Variants in SNX29 observed in about 807,000 individuals in gnomAD.
SNX29 encodes the protein sorting nexin-29.
SNX29 carries 78 observed loss-of-function variants against 102.1 expected under a neutral mutation model. That is an observed-to-expected ratio of 0.76 (90% CI 0.64 to 0.92). SNX29 has a LOEUF of 0.92. SNX29 is among the 40% of genes least tolerant of loss of function. The probability of loss-of-function intolerance (pLI) is 0.00; values close to 1 mark genes in which losing one functional copy is unlikely to be tolerated. For synonymous variants in SNX29, 580 were observed against 414.5 expected (o/e 1.40, Z -4.85); for missense variants, 1,280 against 1,061.7 (o/e 1.21, Z -2.86).
rs766897186 is a variant in SNX29, at chr16:12,571,285, C to G, written c.*2656C>G. ...AGAATTGTGGCTGAAACCTGGTGCCCAAATTCCACACCCTGGAAATGTGTC... is the reference window on the plus strand; with the variant it reads ...AGAATTGTGGCTGAAACCTGGTGCCGAAATTCCACACCCTGGAAATGTGTC... On this transcript the variant is annotated 3_prime_UTR_variant, in exon 21 of 21. Transcript: ENST00000566228. 4.3e-6 allele frequency: 1 copy of G among 232,096 alleles called. No individual in the cohort carries two copies. The highest frequency in any genetic ancestry group is 6.1e-5 in the East Asian group (1 of 16,432). 14.4% of individuals were successfully genotyped at this position (232,096 alleles called of 1,614,324 possible).
intron 18 of SNX29, among the ~76,000 whole-genome samples, chr16:12,473,299 G>A (rs1262282795): frequency 3.3e-5 from 5 of 152,170 alleles, no homozygotes; most frequent in Admixed American, 1.3e-4. Flanking sequence ...GTAATTTTGA[G>A]TAATTTTAAT....
intron 14 of SNX29, among the ~76,000 whole-genome samples, chr16:12,276,877 CCA>C (rs1254988600): frequency 2.0e-5 from 3 of 152,134 alleles, no homozygotes. Context: ...GACCTGGGAG[CCA>C]GTCTCTTTAA....
At chr16:12,265,929 G>T (rs567995089) in intron 14 of SNX29, among the ~76,000 whole-genome samples, 129 of 151,942 alleles carry the variant, frequency 8.5e-4, no homozygotes, top group Non-Finnish European at 1.2e-3. Context: ...CTTGGCATGA[G>T]AATAGAAAGT....
intron 13 of SNX29, among the ~76,000 whole-genome samples, chr16:12,189,555 C>G (rs569264383): frequency 1.3e-5 from 2 of 152,074 alleles, no homozygotes; most frequent in African/African-American, 4.8e-5. Context: ...TCAATTTGTT[C>G]CATTCCTGAT....
intron 13 of SNX29, among the ~76,000 whole-genome samples, chr16:12,163,497 T>C (rs866304326): frequency 6.6e-6 from 1 of 152,258 alleles, no homozygotes; most frequent in South Asian, 2.1e-4. Flanking sequence ...GGTGGGTCAT[T>C]ATCCTCTAGG....
intron 16 of SNX29, among the ~76,000 whole-genome samples, chr16:12,362,573 C>A (rs1273689518): frequency 1.3e-5 from 1 of 78,954 alleles, no homozygotes; most frequent in Non-Finnish European, 3.0e-5. Context: ...CCCCCCCCCC[C>A]ACCAGTTTCT....
intron 12 of SNX29, 104 bp from the exon 13 acceptor site, chr16:12,129,526 G>A: frequency 3.6e-6 from 5 of 1,402,628 alleles, no homozygotes; most frequent in Middle Eastern, 2.6e-4. Context: ...AGAGCCTTGT[G>A]GAAAACGCAT....
intron 16 of SNX29, among the ~76,000 whole-genome samples, chr16:12,390,011 C>G (rs973553977): frequency 1.3e-5 from 2 of 152,116 alleles, no homozygotes; most frequent in African/African-American, 4.8e-5. Context: ...AAGAATAGTT[C>G]TATATTGGTA....
intron 20 of SNX29, among the ~76,000 whole-genome samples, chr16:12,560,037 A>AGT (rs2078628217): frequency 1.3e-5 from 2 of 152,170 alleles, no homozygotes; most frequent in Non-Finnish European, 2.9e-5. Flanking sequence ...TATGACAAAT[A>AGT]CACAAAGAAA....
At chr16:12,175,864 T>A (rs1046629270) in intron 13 of SNX29, among the ~76,000 whole-genome samples, 1 of 151,646 alleles carries the variant, frequency 6.6e-6, no homozygotes, top group African/African-American at 2.4e-5. Context: ...AAAAAAAAAA[T>A]TAGCCATGGA....
intron 14 of SNX29, among the ~76,000 whole-genome samples, chr16:12,200,017 G>A (rs978451292): frequency 6.6e-6 from 1 of 152,136 alleles, no homozygotes; most frequent in Admixed American, 6.5e-5. Flanking sequence ...ACGGGTGCAA[G>A]CAACAGAAAG....
chr16:12,203,238 G>A (rs1176026487), intron 14 of SNX29, among the ~76,000 whole-genome samples: 1 of 151,884 alleles, frequency 6.6e-6, no homozygotes, highest in African/African-American at 2.4e-5. Flanking sequence ...CGGGTGGACT[G>A]GTGGTATTGG....
intron 19 of SNX29, among the ~76,000 whole-genome samples, chr16:12,520,742 A>G (rs2090066167): frequency 6.6e-6 from 1 of 151,016 alleles, no homozygotes; most frequent in Admixed American, 6.6e-5. Flanking sequence ...GCGGGAGCGA[A>G]GCTATGGGCA....
intron 15 of SNX29, among the ~76,000 whole-genome samples, chr16:12,349,173 C>T (rs1283690186): frequency 6.6e-6 from 1 of 152,238 alleles, no homozygotes; most frequent in Non-Finnish European, 1.5e-5. Context: ...CTCAAATAGG[C>T]ACAGTGTTTC....
At position 12,260,843 on chromosome 16, in the gene SNX29, G is replaced by C. The variant is rs114361222; in HGVS notation, c.1679-17090G>C. On this transcript the variant is annotated intron_variant, in intron 14 of 20. Coordinates refer to ENST00000566228, the MANE Select transcript of SNX29 (RefSeq NM_032167.5). ...GCTCAGATCTGTGTGCGTGTGCCCG[G>C]CTGGAGTGAATGTTTGCTCTGAGCT... Among the ~76,000 whole-genome samples, 382 of 150,930 alleles carry C rather than the reference G, an allele frequency of 2.5e-3. 2 individuals are homozygous for C. Among genetic ancestry groups the C allele is most frequent in the African/African-American group, 8.5e-3 (348 of 41,006 alleles).
chr16:12,406,159 C>G (rs897230426), intron 18 of SNX29, among the ~76,000 whole-genome samples: 4 of 151,852 alleles, frequency 2.6e-5, no homozygotes, highest in African/African-American at 7.3e-5. Flanking sequence ...AAAATGTAAA[C>G]TAAGGGTTTA....
At chr16:12,403,202 ATGTG>A (rs67193889) in intron 17 of SNX29, among the ~76,000 whole-genome samples, 4,154 of 70,474 alleles carry the variant, frequency 0.059, 86 homozygotes, top group South Asian at 0.12. Context: ...TTGTGTGTGT[ATGTG>A]TGTGTGTGTG....
At chr16:12,447,996 A>G (rs2086139614) in intron 18 of SNX29, among the ~76,000 whole-genome samples, 1 of 152,106 alleles carries the variant, frequency 6.6e-6, no homozygotes, top group South Asian at 2.1e-4. Flanking sequence ...AAGGCCTAGG[A>G]TTGGGGCTTG....
Position 12,158,104 on chromosome 16 carries a change from G to T in SNX29, c.1595+28346G>T, listed in dbSNP as rs554633312. Among the ~76,000 whole-genome samples the T allele has an allele frequency of 2.7e-4, 41 of 151,758 alleles. 1 individual carries two copies. In the East Asian group the frequency reaches 4.3e-3, roughly 16 times the overall value. ...TGCTGCTTTTTTTTTTTTAGAGACAGTTCTCACTCTGTTGCCCAGGCTTGA... is the reference window on the plus strand; with the variant it reads ...TGCTGCTTTTTTTTTTTTAGAGACATTTCTCACTCTGTTGCCCAGGCTTGA... On this transcript the variant is annotated intron_variant, in intron 13 of 20. Coordinates refer to ENST00000566228, the MANE Select transcript of SNX29 (RefSeq NM_032167.5).
Sources: allele counts gnomAD v4.1 joint callset (sites outside exome capture counted in the v4.1 genomes callset), GRCh38; gene constraint gnomAD v4.1.1; transcripts MANE v1.5; gene names NCBI Gene and HGNC (gene_info 2026-07-23, HGNC 2026-07-21).